FERMT2: variants seen among roughly 807,000 people sequenced by gnomAD.
FERMT2 encodes the protein FERM domain containing kindlin 2, also known as fermitin family homolog 2.
A neutral mutation model predicts 82.7 loss-of-function variants in FERMT2; 15 were observed. The observed-to-expected ratio is 0.18, with a 90% CI of 0.12 to 0.28. FERMT2 has a LOEUF of 0.28. Among genes scored for constraint, FERMT2 ranks in the 10% least tolerant of loss-of-function variants. The pLI is 1.00. For missense variants in FERMT2, 645 were observed against 809.4 expected (o/e 0.80, Z 2.46); for synonymous variants, 274 against 271.5 (o/e 1.01, Z -0.09).
At chr14:52,879,714 A>G (rs1256753456) in intron 6 of FERMT2, among the ~76,000 whole-genome samples, 2 of 152,314 alleles carry the variant, frequency 1.3e-5, no homozygotes, top group African/African-American at 4.8e-5. Context: ...ATAACATTAA[A>G]ATCTAGACTA....
intron 3 of FERMT2, among the ~76,000 whole-genome samples, chr14:52,913,530 A>G (rs963767721): frequency 6.6e-6 from 1 of 151,992 alleles, no homozygotes; most frequent in Non-Finnish European, 1.5e-5. Context: ...AACTGCCTGC[A>G]CTCTATCTAT....
At chr14:52,926,707 G>T (rs1889295235) in intron 2 of FERMT2, among the ~76,000 whole-genome samples, 1 of 151,934 alleles carries the variant, frequency 6.6e-6, no homozygotes, top group Admixed American at 6.6e-5. Context: ...AAAGGCTCGG[G>T]GGTGGGGCGT....
At position 52,902,939 on chromosome 14, in the gene FERMT2, A is replaced by C. The variant is rs190720358; in HGVS notation, c.392-9512T>G. Among the ~76,000 whole-genome samples, 210 of 149,576 alleles carry C rather than the reference A, an allele frequency of 1.4e-3. 2 individuals carry two copies. Among genetic ancestry groups the C allele is most frequent in the African/African-American group, 4.5e-3 (186 of 40,998 alleles). ...ATGTGATAGCCACCAAAAAAAAAAA[A>C]AAAATCCAATATAAAGTCAAGCAAG... On this transcript the variant is annotated intron_variant, in intron 3 of 14. Coordinates refer to ENST00000341590, the MANE Select transcript of FERMT2 (RefSeq NM_006832.3).
intron 3 of FERMT2, among the ~76,000 whole-genome samples, chr14:52,902,573 A>G (rs1448918966): frequency 1.3e-5 from 2 of 151,648 alleles, no homozygotes; most frequent in Non-Finnish European, 2.9e-5. Context: ...TAGAAATATA[A>G]AACACTGAAA....
chr14:52,898,755 TC>T (rs1887449430), intron 3 of FERMT2, among the ~76,000 whole-genome samples: 2 of 152,216 alleles, frequency 1.3e-5, no homozygotes, highest in South Asian at 4.2e-4. Context: ...CCCATTCATT[TC>T]TCCAAAGTAA....
At chr14:52,885,847 ATTATT>A (rs1433285828) in intron 4 of FERMT2, among the ~76,000 whole-genome samples, 10 of 152,006 alleles carry the variant, frequency 6.6e-5, no homozygotes, top group Non-Finnish European at 1.0e-4. Flanking sequence ...TTTTTATGGT[ATTATT>A]TTTATATTTT....
chr14:52,938,844 C>T (rs1566762149), intron 2 of FERMT2, among the ~76,000 whole-genome samples: 1 of 151,952 alleles, frequency 6.6e-6, no homozygotes, highest in Non-Finnish European at 1.5e-5. Flanking sequence ...GTAAAATTCA[C>T]CTTTTAAAGA....
chr14:52,926,622 T>C (rs1889290599), intron 2 of FERMT2, among the ~76,000 whole-genome samples: 1 of 152,150 alleles, frequency 6.6e-6, no homozygotes, highest in South Asian at 2.1e-4. Context: ...CCAACTTTTA[T>C]TCAGTATATC....
chr14:52,880,213 T>C (rs7149638), intron 6 of FERMT2, among the ~76,000 whole-genome samples: 123,276 of 152,166 alleles, frequency 0.81, 51,243 homozygotes, highest in Non-Finnish European at 0.9. Context: ...GCCATGATCA[T>C]ACCACTGCAT....
chr14:52,946,940 T>A (rs1438475760), intron 2 of FERMT2, among the ~76,000 whole-genome samples: 1 of 152,176 alleles, frequency 6.6e-6, no homozygotes, highest in African/African-American at 2.4e-5. Flanking sequence ...CCCTGCCTGC[T>A]GGGATTACAG....
In FERMT2 at chr14:52,950,508, T is replaced by G; in HGVS notation, c.61A>C (p.Ser21Arg). ...CGGTTCAGGTCCGTCACATGGACAC[T>G]CAGTTCCCACGTCCCGTCCGCGTAG... ...GCYADGTWEL[S>R]VHVTDLNRDV... Residue 21 changes from serine to arginine, a missense_variant, in exon 2 of 15, where the codon AGT becomes CGT. Coordinates refer to ENST00000341590, the MANE Select transcript of FERMT2 (RefSeq NM_006832.3). The G allele has an allele frequency of 6.2e-7, 1 of 1,614,082 alleles. No individual in the cohort carries two copies. Among genetic ancestry groups the G allele is most frequent in the Non-Finnish European group, 8.5e-7 (1 of 1,179,990 alleles).
chr14:52,942,662 T>C (rs1260381056), intron 2 of FERMT2, among the ~76,000 whole-genome samples: 2 of 152,104 alleles, frequency 1.3e-5, no homozygotes, highest in Non-Finnish European at 2.9e-5. Context: ...GTTGGATTCA[T>C]TGTCCAAAGG....
At chr14:52,920,691 G>A (rs1204076037) in intron 2 of FERMT2, among the ~76,000 whole-genome samples, 1 of 152,138 alleles carries the variant, frequency 6.6e-6, no homozygotes, top group East Asian at 1.9e-4. Flanking sequence ...AGTGGCTCAC[G>A]CCTATAATCC....
chr14:52,865,260 G>T (rs577887867), intron 10 of FERMT2, among the ~76,000 whole-genome samples: 1 of 152,316 alleles, frequency 6.6e-6, no homozygotes, highest in Admixed American at 6.5e-5. Context: ...GGTGGAGGTT[G>T]CAGTGAGCTG....
intron 3 of FERMT2, among the ~76,000 whole-genome samples, chr14:52,907,763 A>C (rs573826587): frequency 5.9e-5 from 9 of 151,978 alleles, no homozygotes; most frequent in South Asian, 4.1e-4. Context: ...TAATCAAAAC[A>C]ACCACCCCCC....
chr14:52,947,395 C>T (rs570173146), intron 2 of FERMT2, among the ~76,000 whole-genome samples: 1 of 152,238 alleles, frequency 6.6e-6, no homozygotes, highest in African/African-American at 2.4e-5. Flanking sequence ...AGGAGAATGG[C>T]GTGAACCCAG....
Position 52,905,319 on chromosome 14 carries a change from G to C in FERMT2, c.392-11892C>G, listed in dbSNP as rs1157251301. Among the ~76,000 whole-genome samples the C allele has an allele frequency of 3.3e-5, 5 of 152,150 alleles. No individual in the cohort carries two copies. In the East Asian group the frequency reaches 9.6e-4, roughly 29 times the overall value. ...AAAAGCCAGAAACAGTAAACGAGTA[G>C]AAAGTGGTAGGGAATGCAAGCAGGC... On this transcript the variant is annotated intron_variant, in intron 3 of 14. Coordinates refer to ENST00000341590, the MANE Select transcript of FERMT2 (RefSeq NM_006832.3).
chr14:52,877,165 G>A (rs979325784), intron 7 of FERMT2, among the ~76,000 whole-genome samples: 7 of 151,812 alleles, frequency 4.6e-5, no homozygotes, highest in African/African-American at 1.7e-4. Flanking sequence ...GGCATCTGTT[G>A]GTTTTAAAAA....
At chr14:52,931,491 A>G (rs1175257153) in intron 2 of FERMT2, among the ~76,000 whole-genome samples, 2 of 152,292 alleles carry the variant, frequency 1.3e-5, no homozygotes, top group East Asian at 1.9e-4. Flanking sequence ...CATTCTAGAG[A>G]GCAGGGCCTG....
Sources: gnomAD v4.1 joint callset for allele counts (sites outside exome capture counted in the v4.1 genomes callset) on GRCh38, gnomAD v4.1.1 for gene constraint, MANE v1.5 for transcripts, NCBI Gene and HGNC (gene_info 2026-07-23, HGNC 2026-07-21) for gene names.